The following KCNS1 variants were observed in gnomAD, a reference collection of about 807,000 sequenced individuals.
The protein encoded by KCNS1 is potassium voltage-gated channel modifier subfamily S member 1.
A neutral mutation model predicts 33.1 loss-of-function variants in KCNS1; 26 were observed. The observed-to-expected ratio is 0.79, with a 90% CI of 0.58 to 1.09. The LOEUF (loss-of-function observed/expected upper bound fraction) is 1.09. Among genes scored for constraint, KCNS1 ranks in the 50% least tolerant of loss-of-function variants. KCNS1 has a pLI of 0.00. For synonymous variants in KCNS1, 299 were observed against 338.8 expected (o/e 0.88, Z 1.29); for missense variants, 702 against 752.4 (o/e 0.93, Z 0.78).
In KCNS1 at chr20:45,093,642, G is replaced by A. The variant is rs1446142618; in HGVS notation, c.*1228C>T. The stretch of plus-strand genomic sequence containing the variant: ...CCCTCCTCTGACTTTCTCAGCAAGT[G>A]AAGAGAAGATTCAGCAGGTGGGTAT... On this transcript the variant is annotated 3_prime_UTR_variant, in exon 4 of 4. Coordinates refer to ENST00000537075, the MANE Select transcript of KCNS1 (RefSeq NM_001322799.2). 1 of 152,318 alleles carries A rather than the reference G, an allele frequency of 6.6e-6. No homozygotes were observed. 9.4% of individuals were successfully genotyped at this position (152,318 alleles called of 1,614,324 possible). A position where few individuals can be genotyped will look rare whatever the true frequency, so the allele number is the denominator to read the frequency against.
Position 45,098,715 on chromosome 20 carries a change from G to A in KCNS1, c.77-20C>T. ...TCCTCCCTGCGGACACCAGAAGGGC[G>A]CGCTGAGGAGTTCCCGGGCTTCCCT... On this transcript the variant is annotated intron_variant, in intron 2 of 3. Transcript: ENST00000537075. The surrounding 1 kb of genome is among the most constrained non-coding windows in gnomAD (Gnocchi z 5.2). 2.2e-6 allele frequency: 3 copies of A among 1,372,322 alleles called. No individual in the cohort carries two copies. The highest frequency in any genetic ancestry group is 1.9e-6 in the Non-Finnish European group (2 of 1,062,870). The allele number at this position is 1,372,322 out of a possible 1,614,324, so 85.0% of individuals were successfully genotyped here.
In KCNS1 at chr20:45,097,963, G is replaced by C; in HGVS notation, c.809C>G (p.Pro270Arg). ...GAAGTACTCGAGGCGTCGCAGCACC[G>C]GGTCGTCGCGCACGCCTTCCGGGCT... ...GRSPEGVRDD[P>R]VLRRLEYFCI... The change falls in exon 3 of 4, where the codon CCG (proline) becomes CGG (arginine). Residue 270 changes from proline to arginine, a missense_variant. By Grantham distance (103) the Pro-to-Arg change is moderately radical (BLOSUM62 -2). This residue lies in a region of KCNS1 where 253 missense variants were observed against 327.4 expected (regional missense o/e 0.77). Coordinates refer to ENST00000537075, the MANE Select transcript of KCNS1 (RefSeq NM_001322799.2). 6.4e-7 allele frequency: 1 copy of C among 1,557,960 alleles called. No homozygotes were observed. Among genetic ancestry groups the C allele is most frequent in the South Asian group, 1.2e-5 (1 of 84,804 alleles).
chr20:45,100,308 A>G (rs1414152055), intron 1 of KCNS1: 2 of 152,210 alleles, frequency 1.3e-5, no homozygotes, highest in African/African-American at 4.8e-5. Context: ...CACATAATCA[A>G]TGCACAATAA....
At chr20:45,099,049 C>T (rs1981311926) in intron 2 of KCNS1, 112 bp downstream of exon 2, 4 of 1,249,370 alleles carry the variant, frequency 3.2e-6, no homozygotes, top group Admixed American at 4.4e-5. Context: ...TAGGATGTCT[C>T]CTTTTCCAGG....
In KCNS1 at chr20:45,094,968, C is replaced by A. The variant is rs557819979; in HGVS notation, c.1483G>T (p.Ala495Ser). ...GTTTCTCGGGATGTCTCCAGAGATG[C>A]CTCCGACACCCCATCAATGCTGCTC... Reference protein sequence around the residue: ...LLSSIDGVSEASLETSRETSQ... With the variant: ...LLSSIDGVSESSLETSRETSQ... The change falls in exon 4 of 4, where the codon GCA becomes TCA. Residue 495 changes from alanine to serine, a missense_variant. Physicochemically the swap from Ala to Ser is moderately conservative, Grantham distance 99. Transcript: ENST00000537075. The A allele has an allele frequency of 3.7e-6, 6 of 1,613,854 alleles. No homozygotes were observed. The South Asian group carries it at 6.6e-5, about 18-fold the overall frequency.
Position 45,098,584 on chromosome 20 carries a change from A to G in KCNS1, c.188T>C (p.Leu63Pro). 1 of 1,387,220 alleles carries G rather than the reference A, an allele frequency of 7.2e-7. No individual in the cohort carries two copies. The highest frequency in any genetic ancestry group is 9.4e-7 in the Non-Finnish European group (1 of 1,067,376). 85.9% of individuals were successfully genotyped at this position (1,387,220 alleles called of 1,614,324 possible). Residue 63 changes from leucine to proline, a missense_variant, in exon 3 of 4, where the codon CTG becomes CCG. Leu to Pro is a moderately conservative substitution (Grantham distance 98, BLOSUM62 -3). Around this residue, in one of 3 missense-constraint regions of KCNS1, gnomAD observed 374 missense variants for 352.3 expected, o/e 1.06. Coordinates refer to ENST00000537075, the MANE Select transcript of KCNS1 (RefSeq NM_001322799.2). The surrounding 1 kb of genome is among the most constrained non-coding windows in gnomAD (Gnocchi z 5.2). ...RVNVGGVRRQ[L>P]SARALARFPG... is the part of the protein sequence containing the mutation. The stretch of plus-strand genomic sequence containing the variant: ...GAAGCGCGCCAGGGCGCGCGCGCTC[A>G]GCTGCCGCCGCACGCCACCCACGTT...
At chr20:45,095,490 T>A in intron 3 of KCNS1, 150 bp from the exon 4 acceptor site, 1 of 693,162 alleles carries the variant, frequency 1.4e-6, no homozygotes, top group Non-Finnish European at 2.4e-6. Flanking sequence ...CCCCTGACTT[T>A]AAACTAAGAC....
rs1981292134 is a variant in KCNS1 at position 45,098,558 on chromosome 20, G to C, written c.214C>G (p.Pro72Ala). 5 of 1,404,784 alleles carry C rather than the reference G, an allele frequency of 3.6e-6. No homozygotes were observed. Among genetic ancestry groups the C allele is most frequent in the Non-Finnish European group, 3.7e-6 (4 of 1,077,840 alleles). The allele number at this position is 1,404,784 out of a possible 1,614,324, so 87.0% of individuals were successfully genotyped here. A position where few individuals can be genotyped will look rare whatever the true frequency, so the allele number is the denominator to read the frequency against. The stretch of plus-strand genomic sequence containing the variant: ...TGCAGGCGGCCCAGCCGCGTGCCCG[G>C]GAAGCGCGCCAGGGCGCGCGCGCTC... ...QLSARALARF[P>A]GTRLGRLQAA... is the part of the protein sequence containing the mutation. The change falls in exon 3 of 4, where the codon CCG becomes GCG. Residue 72 changes from proline to alanine, a missense_variant. Physicochemically the swap from Pro to Ala is conservative, Grantham distance 27 (BLOSUM62 -1). Around this residue, in one of 3 missense-constraint regions of KCNS1, gnomAD observed 374 missense variants for 352.3 expected, o/e 1.06. Coordinates refer to ENST00000537075, the MANE Select transcript of KCNS1 (RefSeq NM_001322799.2). The surrounding 1 kb of genome is among the most constrained non-coding windows in gnomAD (Gnocchi z 5.2).
rs888226510 is a variant in KCNS1, at chr20:45,091,359, C to T, written c.*3511G>A. ...ATCAGACTCTCTCCTGGGATTGGAA[C>T]TGTGAGCAGGATGATACAGGGAAGG... On this transcript the variant is annotated 3_prime_UTR_variant, in exon 4 of 4. Coordinates refer to ENST00000537075, the MANE Select transcript of KCNS1 (RefSeq NM_001322799.2). Among the ~76,000 whole-genome samples, 1 of 152,166 alleles carries T rather than the reference C, an allele frequency of 6.6e-6. No individual in the cohort carries two copies. Among genetic ancestry groups the T allele is most frequent in the African/African-American group, 2.4e-5 (1 of 41,428 alleles).
At chr20:45,095,438 G>T in intron 3 of KCNS1, 98 bp from the exon 4 acceptor site, 1 of 1,127,464 alleles carries the variant, frequency 8.9e-7, no homozygotes. Flanking sequence ...ATAAAGGACA[G>T]GTCCAAAGTC....
In KCNS1 at chr20:45,098,013, G is replaced by T. The variant is rs1166149701; in HGVS notation, c.759C>A (p.Ala253=). 2.3e-5 allele frequency: 34 copies of T among 1,507,188 alleles called. No individual in the cohort carries two copies. Among genetic ancestry groups the T allele is most frequent in the Non-Finnish European group, 2.9e-5 (33 of 1,132,370 alleles). 93.4% of individuals were successfully genotyped at this position (1,507,188 alleles called of 1,614,324 possible). The change falls in exon 3 of 4, where the codon GCC becomes GCA. Residue 253 remains alanine, a synonymous_variant. Transcript: ENST00000537075. The surrounding 1 kb of genome is among the most constrained non-coding windows in gnomAD (Gnocchi z 5.2). The part of the protein sequence containing the change: ...PEYQAREAAA[A]VAAVAAGRSP... ...TGCGGCCCGCGGCCACCGCAGCCAC[G>T]GCGGCCGCCGCCTCGCGGGCCTGGT...
In KCNS1 at chr20:45,093,981, G is replaced by C. The variant is rs1981087413; in HGVS notation, c.*889C>G. The C allele has an allele frequency of 1.3e-5, 2 of 152,308 alleles. No homozygotes were observed. The highest frequency in any genetic ancestry group is 4.1e-4 in the South Asian group (2 of 4,830). 9.4% of individuals were successfully genotyped at this position (152,308 alleles called of 1,614,324 possible). A position where few individuals can be genotyped will look rare whatever the true frequency, so the allele number is the denominator to read the frequency against. On this transcript the variant is annotated 3_prime_UTR_variant, in exon 4 of 4. Transcript: ENST00000537075. Reference sequence around the variant, plus strand: ...CATTTGACAGAGGGGCTGGAATCTGGACTTGGGGGCAGGGATTGGACCACT... The same window carrying C: ...CATTTGACAGAGGGGCTGGAATCTGCACTTGGGGGCAGGGATTGGACCACT...
In KCNS1 at chr20:45,091,673, C is replaced by A. The variant is rs1013878496; in HGVS notation, c.*3197G>T. ...GTTAAGGATCCTGAGATGAGGTCAT[C>A]TTGGATTATCCTGGTGGGCCTAAAT... On this transcript the variant is annotated 3_prime_UTR_variant, in exon 4 of 4. Transcript: ENST00000537075. 1.3e-5 allele frequency among the ~76,000 whole-genome samples: 2 copies of A among 152,216 alleles called. No homozygotes were observed. Among genetic ancestry groups the A allele is most frequent in the East Asian group, 3.8e-4 (2 of 5,198 alleles).
At position 45,098,514 on chromosome 20, in the gene KCNS1, C is replaced by T. The variant is rs13043825; in HGVS notation, c.258G>A (p.Glu86=). The T allele has an allele frequency of 0.25, 375,649 of 1,519,866 alleles. 50,129 individuals carry two copies. The highest frequency in any genetic ancestry group is 0.27 in the Middle Eastern group (1,352 of 4,942). 94.1% of individuals were successfully genotyped at this position (1,519,866 alleles called of 1,614,324 possible). Residue 86 remains glutamate, a synonymous_variant, in exon 3 of 4, where the codon GAG becomes GAA. Transcript: ENST00000537075. The surrounding 1 kb of genome is among the most constrained non-coding windows in gnomAD (Gnocchi z 5.2). The part of the protein sequence containing the change: ...LGRLQAAASE[E]QARRLCDDYD... ...AGTCGTCGCACAGGCGCCGCGCCTG[C>T]TCCTCCGACGCCGCGGCCTGCAGGC...
At chr20:45,100,245 G>A (rs1981348977) in intron 1 of KCNS1, 3 of 152,164 alleles carry the variant, frequency 2.0e-5, no homozygotes, top group African/African-American at 7.2e-5. Context: ...CTTTCCAGGA[G>A]AGGCTCAGAG....
At chr20:45,095,432 A>T in intron 3 of KCNS1, 92 bp from the exon 4 acceptor site, 1 of 1,188,428 alleles carries the variant, frequency 8.4e-7, no homozygotes, top group African/African-American at 1.5e-5. Context: ...GAGAGTATAA[A>T]GGACAGGTCC....
In KCNS1 at chr20:45,094,890, G is replaced by A; in HGVS notation, c.1561C>T (p.Pro521Ser). 1 of 1,612,868 alleles carries A rather than the reference G, an allele frequency of 6.2e-7. No individual in the cohort carries two copies. The highest frequency in any genetic ancestry group is 8.5e-7 in the Non-Finnish European group (1 of 1,179,224). ...TGGTTTTAATACATCTGAGGGTGTGGAGGCTCACTGGGGGCCTGGCTCTCT... is the reference window on the plus strand; with the variant it reads ...TGGTTTTAATACATCTGAGGGTGTGAAGGCTCACTGGGGGCCTGGCTCTCT... ...DLESQAPSEP[P>S]HPQMY The change falls in exon 4 of 4, where the codon CCA becomes TCA. Residue 521 changes from proline to serine, a missense_variant. Physicochemically the swap from Pro to Ser is moderately conservative, Grantham distance 74. Coordinates refer to ENST00000537075, the MANE Select transcript of KCNS1 (RefSeq NM_001322799.2).
At position 45,095,014 on chromosome 20, in the gene KCNS1, G is replaced by A; in HGVS notation, c.1437C>T (p.His479=). ...ALEAAVRNSN[H]QEFEDLLSSI... is the part of the protein sequence containing the mutation. ...TGCTCAGCAAGTCCTCAAACTCTTG[G>A]TGGTTGCTGTTGCGCACGGCTGCCT... Residue 479 remains histidine, a synonymous_variant, in exon 4 of 4, where the codon CAC becomes CAT. Transcript: ENST00000537075. 6.2e-7 allele frequency: 1 copy of A among 1,613,850 alleles called. No homozygotes were observed. Among genetic ancestry groups the A allele is most frequent in the Non-Finnish European group, 8.5e-7 (1 of 1,179,968 alleles).
Position 45,098,662 on chromosome 20 carries a change from G to A in KCNS1, c.110C>T (p.Pro37Leu). The change falls in exon 3 of 4, where the codon CCG (proline) becomes CTG (leucine). Residue 37 changes from proline (P) to leucine (L), a missense_variant. Around this residue, in one of 3 missense-constraint regions of KCNS1, gnomAD observed 374 missense variants for 352.3 expected, o/e 1.06. Coordinates refer to ENST00000537075, the MANE Select transcript of KCNS1 (RefSeq NM_001322799.2). This position sits in a 1 kb window ranked among gnomAD's most constrained non-coding sequence, Gnocchi z 5.2. ...RSTETFVSEF[P>L]GPDTGIRWRR... ...CCAGCGGATCCCGGTGTCGGGGCCC[G>A]GGAACTCGCTCACAAAGGTTTCAGT... 1 of 1,460,224 alleles carries A rather than the reference G, an allele frequency of 6.8e-7. No individual in the cohort carries two copies. The highest frequency in any genetic ancestry group is 2.6e-5 in the Admixed American group (1 of 38,846). The allele number at this position is 1,460,224 out of a possible 1,614,324, so 90.5% of individuals were successfully genotyped here.
Sources: allele counts gnomAD v4.1 joint callset (sites outside exome capture counted in the v4.1 genomes callset), GRCh38; gene constraint gnomAD v4.1.1; regional missense constraint gnomAD v4.1.1; non-coding constraint Gnocchi (gnomAD v3.1); transcripts MANE v1.5; gene names NCBI Gene and HGNC (gene_info 2026-07-23, HGNC 2026-07-21).